OPCML: variants seen among roughly 807,000 people sequenced by gnomAD.
OPCML encodes opioid-binding protein/cell adhesion molecule.
OPCML carries 13 observed loss-of-function variants against 37.8 expected under a neutral mutation model. That is an observed-to-expected ratio of 0.34 (90% CI 0.22 to 0.55). OPCML has a LOEUF of 0.55. OPCML is among the 20% of genes least tolerant of loss of function. The probability of loss-of-function intolerance (pLI) is 0.91; values close to 1 mark genes in which losing one functional copy is unlikely to be tolerated. For synonymous variants in OPCML, 176 were observed against 168.8 expected (o/e 1.04, Z -0.33); for missense variants, 341 against 435.6 (o/e 0.78, Z 1.93).
At chr11:133,322,738 G>A (rs374015484) in intron 1 of OPCML, among the ~76,000 whole-genome samples, 21 of 151,980 alleles carry the variant, frequency 1.4e-4, no homozygotes, top group East Asian at 9.7e-4. Context: ...CATCCAATCC[G>A]CCACCCAAGG....
intron 1 of OPCML, among the ~76,000 whole-genome samples, chr11:133,141,464 G>C (rs1196190843): frequency 6.6e-6 from 1 of 152,102 alleles, no homozygotes; most frequent in Admixed American, 6.6e-5. Flanking sequence ...GACCAGGGCA[G>C]CCCTAGCCTT....
chr11:132,623,293 G>A (rs966695611), intron 3 of OPCML, among the ~76,000 whole-genome samples: 3 of 151,726 alleles, frequency 2.0e-5, no homozygotes, highest in East Asian at 3.9e-4. Flanking sequence ...CACTTCGCCT[G>A]GAAATTTTAA....
At chr11:132,657,557 T>C in intron 2 of OPCML, 1 of 406,520 alleles carries the variant, frequency 2.5e-6, no homozygotes, top group Non-Finnish European at 3.3e-6. Flanking sequence ...ACATATTATG[T>C]ATCTTTGCCA....
chr11:133,253,830 ATTCCCTTC>A (rs1941227325), intron 1 of OPCML, among the ~76,000 whole-genome samples: 2 of 71,866 alleles, frequency 2.8e-5, no homozygotes, highest in African/African-American at 1.1e-4. Context: ...CTTCCCTTCC[ATTCCCTTC>A]CCTTCCCTTC....
intron 1 of OPCML, among the ~76,000 whole-genome samples, chr11:133,521,551 G>A (rs898128561): frequency 2.6e-5 from 4 of 152,216 alleles, no homozygotes; most frequent in Admixed American, 2.0e-4. Context: ...GGAGGGTGGG[G>A]CCCACCAGAA....
At chr11:132,846,886 A>G (rs377403993) in intron 2 of OPCML, among the ~76,000 whole-genome samples, 2 of 152,148 alleles carry the variant, frequency 1.3e-5, no homozygotes, top group Non-Finnish European at 1.5e-5. Context: ...TCCTAATTCT[A>G]TTCCTTGAGA....
chr11:133,084,292 C>T (rs1027229630), intron 1 of OPCML, among the ~76,000 whole-genome samples: 2 of 152,178 alleles, frequency 1.3e-5, no homozygotes, highest in African/African-American at 4.8e-5. Context: ...CCTTGCACAC[C>T]CTGCGCACTC....
At chr11:133,394,272 A>T (rs562086481) in intron 1 of OPCML, among the ~76,000 whole-genome samples, 30 of 152,228 alleles carry the variant, frequency 2.0e-4, no homozygotes, top group African/African-American at 7.0e-4. Flanking sequence ...TTAATTTTTA[A>T]TTTTTAACTT....
chr11:132,606,172 G>C (rs974726401), intron 3 of OPCML, among the ~76,000 whole-genome samples: 2 of 152,134 alleles, frequency 1.3e-5, no homozygotes, highest in Non-Finnish European at 2.9e-5. Context: ...AAAAGTTAAT[G>C]CCTTTATTTA....
At chr11:132,582,846 GTTTTTTT>G (rs386375310) in intron 3 of OPCML, among the ~76,000 whole-genome samples, 3 of 43,728 alleles carry the variant, frequency 6.9e-5, no homozygotes, top group African/African-American at 2.7e-4. Context: ...TTTGTTTAAG[GTTTTTTT>G]TTTTTTTTTT....
intron 7 of OPCML, chr11:132,435,092 G>A: frequency 2.2e-6 from 2 of 894,172 alleles, no homozygotes; most frequent in Non-Finnish European, 1.6e-6. Flanking sequence ...TATCTTTGAA[G>A]TAGGCTAAAA....
At chr11:132,545,827 A>G (rs1278728092) in intron 3 of OPCML, among the ~76,000 whole-genome samples, 1 of 152,238 alleles carries the variant, frequency 6.6e-6, no homozygotes, top group Non-Finnish European at 1.5e-5. Context: ...CTAGTGCCCT[A>G]TCCACAGAAT....
chr11:133,109,505 C>T lies in OPCML; in HGVS notation c.62-166495G>A, dbSNP rs577800849. 1.8e-4 allele frequency among the ~76,000 whole-genome samples: 27 copies of T among 152,206 alleles called. No homozygotes were observed. The South Asian group carries it at 5.6e-3, about 32-fold the overall frequency. On this transcript the variant is annotated intron_variant, in intron 1 of 7. Transcript: ENST00000524381. The stretch of plus-strand genomic sequence containing the variant: ...ACAGAGCACTGACTGGTGCGTTTTA[C>T]AGAGCACTGATTGGTGCATTTTACA...
intron 1 of OPCML, among the ~76,000 whole-genome samples, chr11:133,069,384 T>G (rs1424452915): frequency 6.6e-6 from 1 of 152,150 alleles, no homozygotes; most frequent in Admixed American, 6.5e-5. Context: ...TTTTCGAAGG[T>G]TCATCTCAGA....
At chr11:133,436,471 T>A (rs1022615270) in intron 1 of OPCML, among the ~76,000 whole-genome samples, 4 of 152,172 alleles carry the variant, frequency 2.6e-5, no homozygotes, top group African/African-American at 9.7e-5. Flanking sequence ...GAGTTAACAG[T>A]TTCACTCCGC....
chr11:132,466,439 A>G lies in OPCML; in HGVS notation c.506-29080T>C, dbSNP rs570568114. 7.0e-3 allele frequency among the ~76,000 whole-genome samples: 1,057 copies of G among 151,242 alleles called. 4 individuals carry two copies. The highest frequency in any genetic ancestry group is 0.019 in the African/African-American group (797 of 41,204). Reference sequence around the variant, plus strand: ...GCGGAGCTTGCAGTGAGCCGAGATCACGCCACTGCACTCCAGCCTGGGCGA... The same window carrying G: ...GCGGAGCTTGCAGTGAGCCGAGATCGCGCCACTGCACTCCAGCCTGGGCGA... On this transcript the variant is annotated intron_variant, in intron 4 of 7. Coordinates refer to ENST00000524381, the MANE Select transcript of OPCML (RefSeq NM_001012393.5).
intron 1 of OPCML, among the ~76,000 whole-genome samples, chr11:133,028,838 CA>C (rs1565406130): frequency 6.7e-6 from 1 of 149,138 alleles, no homozygotes; most frequent in Non-Finnish European, 1.5e-5. Flanking sequence ...GCAAATGCCA[CA>C]AAAACAAAAA....
intron 4 of OPCML, among the ~76,000 whole-genome samples, chr11:132,471,771 A>G (rs2096138765): frequency 6.6e-6 from 1 of 152,200 alleles, no homozygotes; most frequent in Admixed American, 6.5e-5. Flanking sequence ...AGCAACTCCT[A>G]ATTTTATTAA....
intron 1 of OPCML, among the ~76,000 whole-genome samples, chr11:133,092,850 A>AAG (rs151247554): frequency 0.11 from 16,645 of 150,006 alleles, 1,344 homozygotes; most frequent in African/African-American, 0.23. Context: ...GAGACAGAGA[A>AAG]AGAGAGAGAG....
Sources: allele counts gnomAD v4.1 joint callset (sites outside exome capture counted in the v4.1 genomes callset), GRCh38; gene constraint gnomAD v4.1.1; transcripts MANE v1.5; gene names NCBI Gene and HGNC (gene_info 2026-07-23, HGNC 2026-07-21).